The following ZNF529 variants were observed in gnomAD, a reference collection of about 807,000 sequenced individuals.
ZNF529 encodes zinc finger protein 529.
Under a neutral mutation model 10.1 loss-of-function variants are expected in ZNF529, and 11 were observed. The observed-to-expected ratio is 1.09, with a 90% confidence interval of 0.69 to 1.81. The LOEUF (loss-of-function observed/expected upper bound fraction) is 1.81, where lower values mean the gene tolerates loss of function less well. Among genes scored for constraint, ZNF529 ranks in the 40% most tolerant of loss-of-function variants. The pLI is 0.00. For missense variants in ZNF529, 624 were observed against 666.8 expected, an observed-to-expected ratio of 0.94 and a Z score of 0.71; for synonymous variants, 204 against 215.7, an observed-to-expected ratio of 0.95 and a Z score of 0.47.
rs150927760 is a variant in ZNF529 at position 36,584,284 on chromosome 19, CA to C, written c.-41+5330del. Among the ~76,000 whole-genome samples the C allele has an allele frequency of 7.9e-4, 120 of 151,912 alleles. 2 individuals are homozygous for C. In the East Asian group the frequency reaches 0.019, roughly 24 times the overall value. ...TTTCAGACAAAGATAAGGTTTTTTT[CA>C]TAGACTCACTGGAAGAATTTCTAAA... On this transcript the variant is annotated intron_variant, in intron 2 of 4. Coordinates refer to the ZNF529 transcript ENST00000585960.
chr19:36,590,781 T>C (rs2036689257), intron 1 of ZNF529, among the ~76,000 whole-genome samples: 1 of 151,376 alleles, frequency 6.6e-6, no homozygotes, highest in South Asian at 2.1e-4. Context: ...AATACAAAAA[T>C]TAGCCAGGCA....
chr19:36,570,360 C>CAAAA (rs58429405), intron 2 of ZNF529, among the ~76,000 whole-genome samples: 222 of 69,312 alleles, frequency 3.2e-3, no homozygotes, highest in Non-Finnish European at 4.4e-3. Flanking sequence ...GACCCTATCT[C>CAAAA]AAAAAAAAAA....
chr19:36,588,333 G>A (rs905634366), intron 2 of ZNF529, among the ~76,000 whole-genome samples: 1 of 152,128 alleles, frequency 6.6e-6, no homozygotes, highest in Admixed American at 6.6e-5. Context: ...ATGAAATTCC[G>A]TGGGAGATCT....
At position 36,548,190 on chromosome 19, in the gene ZNF529, C is replaced by T. The variant is rs372870663; in HGVS notation, c.368G>A (p.Trp123Ter). The T allele has an allele frequency of 5.6e-6, 9 of 1,613,696 alleles. No homozygotes were observed. Among genetic ancestry groups the T allele is most frequent in the Admixed American group, 1.7e-5 (1 of 59,990 alleles). ...GLEGSIFRNDWQSKSKIDLQG... is the reference protein window; with the variant it reads ...GLEGSIFRND ...TAAGTCAATCTTGCTTTTGCTTTGC[C>T]AGTCATTTCTGAAAATGGAACCTTC... The change falls in exon 5 of 5, where the codon TGG becomes TAG. Residue 123 changes from tryptophan to a stop codon, truncating the protein, a stop_gained. Coordinates refer to ENST00000591340, the MANE Select transcript of ZNF529 (RefSeq NM_020951.5). LOFTEE classifies it low-confidence loss of function (END_TRUNC).
chr19:36,591,863 A>G (rs1417413097), intron 1 of ZNF529, among the ~76,000 whole-genome samples: 2 of 152,214 alleles, frequency 1.3e-5, no homozygotes, highest in African/African-American at 4.8e-5. Flanking sequence ...AAAATAGGGA[A>G]GGAGAGGACA....
At chr19:36,570,834 T>C (rs1367927797) in intron 2 of ZNF529, among the ~76,000 whole-genome samples, 1 of 152,216 alleles carries the variant, frequency 6.6e-6, no homozygotes. Context: ...CAGCTTTTTT[T>C]CTTCCCTTGC....
At chr19:36,552,099 T>C (rs1368994327) in intron 4 of ZNF529, 1 of 152,202 alleles carries the variant, frequency 6.6e-6, no homozygotes, top group East Asian at 1.9e-4. Context: ...TTCCTCCAAG[T>C]GCCAGGCTTT....
chr19:36,596,515 T>C (rs2036844133), intron 1 of ZNF529, among the ~76,000 whole-genome samples: 1 of 151,036 alleles, frequency 6.6e-6, no homozygotes, highest in Non-Finnish European at 1.5e-5. Context: ...TGCTTTCAAC[T>C]TTTTTTTTCT....
At chr19:36,575,935 G>T (rs2036306247), upstream of ZNF529, among the ~76,000 whole-genome samples, 1 of 151,930 alleles carries the variant, frequency 6.6e-6, no homozygotes, top group Admixed American at 6.5e-5. Flanking sequence ...TGCGACCTCT[G>T]CCTCCCGGGT....
chr19:36,561,701 G>A (rs2035703662), intron 2 of ZNF529, among the ~76,000 whole-genome samples: 1 of 152,216 alleles, frequency 6.6e-6, no homozygotes, highest in Non-Finnish European at 1.5e-5. Context: ...GAGAGAGCCA[G>A]TGGCACCTGA....
At chr19:36,570,201 T>C (rs1165190683) in intron 2 of ZNF529, among the ~76,000 whole-genome samples, 1 of 151,150 alleles carries the variant, frequency 6.6e-6, no homozygotes, top group Non-Finnish European at 1.5e-5. Context: ...TCTATACAAA[T>C]AATACAAAAA....
Position 36,547,043 on chromosome 19 carries a change from G to C in ZNF529, c.1515C>G (p.Pro505=). Reference sequence around the variant, plus strand: ...CCTTCCCACATGCCTTGCATTCATAGGGTTTTTCTCCAGTATGAATTCTCT... The same window carrying C: ...CCTTCCCACATGCCTTGCATTCATACGGTTTTTCTCCAGTATGAATTCTCT... ...EHQRIHTGEK[P]YECKACGKAF... is the part of the protein sequence containing the mutation. Residue 505 remains proline (P), a synonymous_variant, in exon 5 of 5, where the codon CCC becomes CCG. Coordinates refer to ENST00000591340, the MANE Select transcript of ZNF529 (RefSeq NM_020951.5). The C allele has an allele frequency of 5.0e-6, 8 of 1,613,796 alleles. No individual in the cohort carries two copies. Among genetic ancestry groups the C allele is most frequent in the Non-Finnish European group, 5.9e-6 (7 of 1,179,892 alleles).
rs1242849302 is a variant in ZNF529, at chr19:36,546,961, G to GT, written c.1596dup (p.Pro533ThrfsTer3). 1.2e-6 allele frequency: 2 copies of GT among 1,613,820 alleles called. No individual in the cohort carries two copies. The highest frequency in any genetic ancestry group is 4.5e-5 in the East Asian group (2 of 44,884). On this transcript the variant is annotated frameshift_variant, in exon 5 of 5. Transcript: ENST00000591340. LOFTEE classifies it low-confidence loss of function (END_TRUNC). ...TTCCCACACTCCTTACATTCATAGG[G>GT]TTTATCATCAGTATGAATGCGCTGA...
At chr19:36,577,218 C>T (rs1304739729), upstream of ZNF529, 1 of 452,928 alleles carries the variant, frequency 2.2e-6, no homozygotes, top group Admixed American at 2.4e-5. Flanking sequence ...CCTTGACCTC[C>T]CAAAGTGCTA....
intron 2 of ZNF529, chr19:36,580,578 C>G (rs1356141439): frequency 6.6e-6 from 1 of 152,160 alleles, no homozygotes; most frequent in Non-Finnish European, 1.5e-5. Context: ...TGACACATGA[C>G]TGTGTTCATC....
intron 2 of ZNF529, chr19:36,580,349 CTTATTA>C (rs35284451): frequency 1.7e-4 from 26 of 151,488 alleles, no homozygotes; most frequent in Non-Finnish European, 1.3e-4. Context: ...AATGTAATCA[CTTATTA>C]TTATCACCTA....
At chr19:36,566,736 A>G (rs1170516068) in intron 2 of ZNF529, among the ~76,000 whole-genome samples, 1 of 151,822 alleles carries the variant, frequency 6.6e-6, no homozygotes, top group Non-Finnish European at 1.5e-5. Flanking sequence ...AATAAAAAAA[A>G]GGGCCAGGCC....
chr19:36,572,374 G>C lies in ZNF529; in HGVS notation c.-28C>G. The stretch of plus-strand genomic sequence containing the variant: ...GTACCAATGCTGTCTTCCACTTCAG[G>C]GGGCCTTCACTTGCAGAACTACATA... On this transcript the variant is annotated 5_prime_UTR_variant, in exon 2 of 5. Coordinates refer to ENST00000591340, the MANE Select transcript of ZNF529 (RefSeq NM_020951.5). 2 of 1,550,962 alleles carry C rather than the reference G, an allele frequency of 1.3e-6. No homozygotes were observed. The highest frequency in any genetic ancestry group is 1.7e-6 in the Non-Finnish European group (2 of 1,146,854).
At chr19:36,605,171 C>G (rs3108603) in exon 1 of ZNF529, 49,485 of 152,190 alleles carry the variant, frequency 0.33, 8,415 homozygotes, top group South Asian at 0.42. Context: ...GAGCCGGGGT[C>G]CTGGCAGAAG....
Sources: allele counts gnomAD v4.1 joint callset (sites outside exome capture counted in the v4.1 genomes callset), GRCh38; gene constraint gnomAD v4.1.1; transcripts MANE v1.5; gene names NCBI Gene and HGNC (gene_info 2026-07-23, HGNC 2026-07-21).